Variants in PABPC1L observed in about 807,000 individuals in gnomAD.
PABPC1L encodes poly(A) binding protein cytoplasmic 1 like, also known as polyadenylate-binding protein 1-like.
In PABPC1L, 31 loss-of-function variants were observed where a neutral mutation model predicts 66.6. The ratio of observed to expected loss-of-function variants is 0.47; its 90% CI spans 0.35 to 0.63. PABPC1L has a LOEUF of 0.63. PABPC1L is among the 20% of genes least tolerant of loss of function. The pLI, the probability that PABPC1L is intolerant of heterozygous loss-of-function variation, is 0.00. For missense variants in PABPC1L, 722 were observed against 848.8 expected, an observed-to-expected ratio of 0.85 and a Z score of 1.86; for synonymous variants, 348 against 335.1, an observed-to-expected ratio of 1.04 and a Z score of -0.42.
rs529783703 is a variant in PABPC1L at position 44,921,644 on chromosome 20, G to A, written c.789G>A (p.Ala263=). The A allele has an allele frequency of 6.2e-6, 10 of 1,614,036 alleles. No homozygotes were observed. In the East Asian group the frequency reaches 6.7e-5, roughly 11 times the overall value. ...AGGTGAGCGGGCGGCTGCTGTACGCGGGCCGGGCCCAAAAGCGCGTGGAGC... is the reference window on the plus strand; with the variant it reads ...AGGTGAGCGGGCGGCTGCTGTACGCAGGCCGGGCCCAAAAGCGCGTGGAGC... ...GKEVSGRLLY[A]GRAQKRVERQ... The change falls in exon 6 of 15, where the codon GCG becomes GCA. Residue 263 remains alanine, a synonymous_variant. Coordinates refer to ENST00000217073, the MANE Select transcript of PABPC1L (RefSeq NM_001372179.1).
At chr20:44,932,725 C>T in intron 9 of PABPC1L, 1 of 502,126 alleles carries the variant, frequency 2.0e-6, no homozygotes, top group Non-Finnish European at 3.6e-6. Flanking sequence ...TGAAATTCCT[C>T]TGGCTATATT....
chr20:44,919,449 C>G (rs910360645), intron 5 of PABPC1L, among the ~76,000 whole-genome samples, 172 bp downstream of exon 5: 40 of 152,330 alleles, frequency 2.6e-4, no homozygotes, highest in African/African-American at 8.9e-4. Flanking sequence ...AGGCCAAGGG[C>G]TTCATTCTTT....
chr20:44,919,847 GAT>G (rs922671348), intron 5 of PABPC1L, among the ~76,000 whole-genome samples: 2 of 152,190 alleles, frequency 1.3e-5, no homozygotes, highest in East Asian at 3.8e-4. Context: ...TAGCAAAGAG[GAT>G]TATTTTGTGC....
At chr20:44,923,701 A>T (rs2066789664) in intron 6 of PABPC1L, among the ~76,000 whole-genome samples, 1 of 151,520 alleles carries the variant, frequency 6.6e-6, no homozygotes, top group South Asian at 2.1e-4. Context: ...CACCAACATG[A>T]GTAAGTGCCC....
intron 6 of PABPC1L, 29 bp downstream of exon 6, chr20:44,921,760 C>T (rs1234931798): frequency 6.2e-7 from 1 of 1,612,222 alleles, no homozygotes; most frequent in South Asian, 1.1e-5. Flanking sequence ...GTGGCAGCCA[C>T]TTCTGTGTGA....
At chr20:44,932,817 G>A (rs12625055) in intron 9 of PABPC1L, 1 of 556,850 alleles carries the variant, frequency 1.8e-6, no homozygotes, top group South Asian at 2.2e-5. Flanking sequence ...TACAATCCTG[G>A]TGCTTATGCA....
At chr20:44,924,812 C>T (rs1216200177) in intron 7 of PABPC1L, among the ~76,000 whole-genome samples, 3 of 152,204 alleles carry the variant, frequency 2.0e-5, no homozygotes, top group South Asian at 4.1e-4. Context: ...CTTTCCGACC[C>T]TGGCTTCTCA....
chr20:44,936,952 A>T (rs1435253831), intron 12 of PABPC1L: 1 of 641,574 alleles, frequency 1.6e-6, no homozygotes, highest in Non-Finnish European at 3.0e-6. Flanking sequence ...GCTTTCTTCC[A>T]CTGCTGCTGT....
Position 44,910,137 on chromosome 20 carries a change from G to A in PABPC1L, c.-7G>A. On this transcript the variant is annotated 5_prime_UTR_variant, in exon 1 of 15. Transcript: ENST00000217073. Reference sequence around the variant, plus strand: ...GCTTGCCCCGCAGCCCCGGCCCCCTGCCCACCATGAACGCCAGCGGTTCTG... The same window carrying A: ...GCTTGCCCCGCAGCCCCGGCCCCCTACCCACCATGAACGCCAGCGGTTCTG... 6.4e-7 allele frequency: 1 copy of A among 1,555,674 alleles called. No homozygotes were observed. Among genetic ancestry groups the A allele is most frequent in the Non-Finnish European group, 8.7e-7 (1 of 1,150,188 alleles).
At chr20:44,925,001 C>G (rs1217159045) in intron 7 of PABPC1L, among the ~76,000 whole-genome samples, 1 of 145,728 alleles carries the variant, frequency 6.9e-6, no homozygotes, top group African/African-American at 2.8e-5. Flanking sequence ...ATCATGAGGT[C>G]AGGAGATCGA....
At chr20:44,915,799 CA>C (rs3091602) in intron 2 of PABPC1L, among the ~76,000 whole-genome samples, 1,606 of 115,408 alleles carry the variant, frequency 0.014, 16 homozygotes, top group Middle Eastern at 0.035. Flanking sequence ...AACTCTATCT[CA>C]AAAAAAAAAA....
intron 8 of PABPC1L, 41 bp from the exon 9 acceptor site, chr20:44,932,301 G>T (rs1293875842): frequency 6.5e-7 from 1 of 1,534,098 alleles, no homozygotes; most frequent in East Asian, 2.3e-5. Flanking sequence ...CACCTACCCT[G>T]CCGCCAAGCC....
intron 8 of PABPC1L, chr20:44,932,132 T>G: frequency 2.5e-6 from 1 of 394,624 alleles, no homozygotes; most frequent in Non-Finnish European, 4.5e-6. Flanking sequence ...GGAGCCAAGA[T>G]TGAAATCTAA....
intron 7 of PABPC1L, among the ~76,000 whole-genome samples, chr20:44,925,241 G>A (rs577030914): frequency 6.8e-5 from 10 of 147,944 alleles, no homozygotes; most frequent in Non-Finnish European, 1.0e-4. Context: ...GCGCCCAGAT[G>A]GTTTTTAAGA....
At chr20:44,912,429 G>A (rs1474452936) in intron 1 of PABPC1L, among the ~76,000 whole-genome samples, 2 of 152,136 alleles carry the variant, frequency 1.3e-5, no homozygotes, top group Non-Finnish European at 2.9e-5. Flanking sequence ...GGTTGAATGA[G>A]ATCATAACTG....
intron 10 of PABPC1L, among the ~76,000 whole-genome samples, chr20:44,933,881 A>G (rs144015155): frequency 0.011 from 1,685 of 150,680 alleles, 12 homozygotes; most frequent in Non-Finnish European, 0.017. Context: ...CCTCCTGAGT[A>G]GCTGGGATTA....
At chr20:44,938,537 G>T in intron 13 of PABPC1L, 137 bp from the exon 14 acceptor site, 1 of 988,814 alleles carries the variant, frequency 1.0e-6, no homozygotes, top group Non-Finnish European at 1.5e-6. Context: ...AGCAGTGGTG[G>T]ATGGGAGGGT....
At chr20:44,927,695 T>C (rs2145571417) in intron 7 of PABPC1L, among the ~76,000 whole-genome samples, 1 of 152,254 alleles carries the variant, frequency 6.6e-6, no homozygotes, top group South Asian at 2.1e-4. Context: ...AGAATATTTT[T>C]TAAAAACTTT....
intron 14 of PABPC1L, 107 bp downstream of exon 14, chr20:44,938,855 C>G: frequency 9.1e-7 from 1 of 1,095,480 alleles, no homozygotes; most frequent in Non-Finnish European, 1.4e-6. Context: ...TCCTGGCTTT[C>G]TCTGAAGCAC....
Sources: gnomAD v4.1 joint callset for allele counts (sites outside exome capture counted in the v4.1 genomes callset) on GRCh38, gnomAD v4.1.1 for gene constraint, MANE v1.5 for transcripts, NCBI Gene and HGNC (gene_info 2026-07-23, HGNC 2026-07-21) for gene names.